The following MCTP1 variants were observed in gnomAD, a reference collection of about 807,000 sequenced individuals.
The protein encoded by MCTP1 is multiple C2 and transmembrane domain containing 1, also known as multiple C2 and transmembrane domain-containing protein 1.
Under a neutral mutation model 120.6 loss-of-function variants are expected in MCTP1, and 69 were observed. The observed-to-expected ratio is 0.57, with a 90% CI of 0.47 to 0.70. The LOEUF (loss-of-function observed/expected upper bound fraction) is 0.70, where lower values mean the gene tolerates loss of function less well. Ranked by LOEUF, MCTP1 falls within the 30% of genes least tolerant of loss-of-function variation. MCTP1 has a pLI of 0.00. For missense variants in MCTP1, 1,203 were observed against 1,248.8 expected (o/e 0.96, Z 0.55); for synonymous variants, 529 against 493.1 (o/e 1.07, Z -0.96).
At chr5:94,913,129 A>C (rs916522250) in intron 8 of MCTP1, among the ~76,000 whole-genome samples, 153 bp from the exon 9 acceptor site, 9 of 151,782 alleles carry the variant, frequency 5.9e-5, no homozygotes, top group African/African-American at 2.2e-4. Context: ...TTATTAATTA[A>C]TTATAAAATT....
intron 1 of MCTP1, among the ~76,000 whole-genome samples, chr5:95,136,696 T>G (rs1424771592): frequency 2.0e-5 from 3 of 152,192 alleles, no homozygotes; most frequent in Non-Finnish European, 4.4e-5. Flanking sequence ...TAAATACTAT[T>G]AGTATCCCTA....
At chr5:94,763,864 A>T (rs562101589) in intron 19 of MCTP1, among the ~76,000 whole-genome samples, 169 of 152,330 alleles carry the variant, frequency 1.1e-3, no homozygotes, top group African/African-American at 4.0e-3. Flanking sequence ...TACAAAATTC[A>T]TGTTTTATGT....
At chr5:95,086,075 T>C (rs1413746591) in intron 1 of MCTP1, among the ~76,000 whole-genome samples, 2 of 152,136 alleles carry the variant, frequency 1.3e-5, no homozygotes, top group Non-Finnish European at 2.9e-5. Context: ...TAAAAATTTA[T>C]TTTTTTCTGT....
intron 18 of MCTP1, chr5:94,788,826 AC>A (rs2152977051): frequency 6.6e-6 from 1 of 152,332 alleles, no homozygotes; most frequent in East Asian, 1.9e-4. Context: ...CCCCAGTCTT[AC>A]ATCTCAATTA....
intron 1 of MCTP1, among the ~76,000 whole-genome samples, chr5:95,032,692 C>G (rs576331169): frequency 2.0e-5 from 3 of 152,046 alleles, no homozygotes; most frequent in African/African-American, 7.2e-5. Flanking sequence ...AAAACAAGAA[C>G]AAACCAAACC....
intron 1 of MCTP1, among the ~76,000 whole-genome samples, chr5:95,229,823 G>A (rs938658730): frequency 6.6e-6 from 1 of 152,136 alleles, no homozygotes; most frequent in African/African-American, 2.4e-5. Flanking sequence ...GAGTGTTTGA[G>A]AGCCTGTGTC....
At chr5:95,257,836 G>A (rs1758056308) in intron 1 of MCTP1, among the ~76,000 whole-genome samples, 3 of 17,092 alleles carry the variant, frequency 1.8e-4, no homozygotes, top group Admixed American at 1.6e-3. Flanking sequence ...CACACAGACG[G>A]GAGTATATCA....
intron 1 of MCTP1, among the ~76,000 whole-genome samples, chr5:95,066,698 T>C (rs1325131830): frequency 6.6e-6 from 1 of 152,200 alleles, no homozygotes; most frequent in East Asian, 1.9e-4. Context: ...TGTGACAAGA[T>C]GGACAAACCT....
intron 1 of MCTP1, among the ~76,000 whole-genome samples, chr5:95,022,489 T>G (rs1346579165): frequency 1.3e-5 from 2 of 152,182 alleles, no homozygotes; most frequent in Non-Finnish European, 2.9e-5. Context: ...AATGTCATAT[T>G]TGTCATTTTA....
At chr5:95,257,971 A>G (rs907626619) in intron 1 of MCTP1, among the ~76,000 whole-genome samples, 1 of 152,226 alleles carries the variant, frequency 6.6e-6, no homozygotes. Flanking sequence ...ATTAGTCCAC[A>G]CTGATATAAA....
intron 17 of MCTP1, among the ~76,000 whole-genome samples, chr5:94,811,993 A>C (rs1033056010): frequency 3.9e-5 from 6 of 152,160 alleles, no homozygotes; most frequent in African/African-American, 1.4e-4. Context: ...ACCTGTCAGG[A>C]GTGGACATAT....
chr5:95,064,845 C>T (rs1420100468), intron 1 of MCTP1, among the ~76,000 whole-genome samples: 3 of 152,204 alleles, frequency 2.0e-5, no homozygotes, highest in African/African-American at 7.2e-5. Context: ...ATTTTCCAAA[C>T]TGATTTAGAT....
intron 1 of MCTP1, among the ~76,000 whole-genome samples, chr5:95,064,733 T>C (rs985338603): frequency 1.6e-4 from 24 of 152,228 alleles, no homozygotes; most frequent in African/African-American, 5.8e-4. Flanking sequence ...GGGATATGGA[T>C]GATCCATAGA....
intron 17 of MCTP1, among the ~76,000 whole-genome samples, chr5:94,803,258 A>C (rs1781566537): frequency 6.6e-6 from 1 of 152,254 alleles, no homozygotes; most frequent in Non-Finnish European, 1.5e-5. Context: ...AATGGTAATA[A>C]GTACACACAA....
At chr5:95,222,134 A>G (rs1487537661) in intron 1 of MCTP1, among the ~76,000 whole-genome samples, 1 of 152,212 alleles carries the variant, frequency 6.6e-6, no homozygotes. Context: ...CCATGAGGTC[A>G]GGCACCCAGG....
At position 94,774,364 on chromosome 5, in the gene MCTP1, T is replaced by G. The variant is rs769969490; in HGVS notation, c.2610+4746A>C. The stretch of plus-strand genomic sequence containing the variant: ...GGTGAGGCCTTAAAAGGAACTTGTC[T>G]CTTCCTGAAGAGATTTGAAGTATGG... On this transcript the variant is annotated intron_variant, in intron 19 of 22. Coordinates refer to ENST00000515393, the MANE Select transcript of MCTP1 (RefSeq NM_024717.7). 6.6e-5 allele frequency among the ~76,000 whole-genome samples: 10 copies of G among 152,144 alleles called. No individual in the cohort carries two copies. In the Middle Eastern group the frequency reaches 0.01, roughly 155 times the overall value.
At chr5:95,226,982 C>T (rs918110625) in intron 1 of MCTP1, among the ~76,000 whole-genome samples, 4 of 152,138 alleles carry the variant, frequency 2.6e-5, no homozygotes, top group African/African-American at 7.2e-5. Context: ...ACATTCCATA[C>T]AGAGAGGAGA....
At chr5:94,860,384 T>G (rs1400575798) in intron 17 of MCTP1, among the ~76,000 whole-genome samples, 1 of 151,738 alleles carries the variant, frequency 6.6e-6, no homozygotes, top group African/African-American at 2.4e-5. Context: ...TCATGTGGAC[T>G]TCTGGACTTC....
At chr5:95,144,194 G>A (rs947477006) in intron 1 of MCTP1, among the ~76,000 whole-genome samples, 3 of 152,026 alleles carry the variant, frequency 2.0e-5, no homozygotes, top group Non-Finnish European at 4.4e-5. Flanking sequence ...TTTGTTGGCC[G>A]CTTGTATGTC....
Sources: allele counts gnomAD v4.1 joint callset (sites outside exome capture counted in the v4.1 genomes callset), GRCh38; gene constraint gnomAD v4.1.1; transcripts MANE v1.5; gene names NCBI Gene and HGNC (gene_info 2026-07-23, HGNC 2026-07-21).